Variants in ZC3H13 observed in about 807,000 individuals in gnomAD.
ZC3H13 encodes zinc finger CCCH-type containing 13.
Under a neutral mutation model 204.1 loss-of-function variants are expected in ZC3H13, and 64 were observed. That is an observed-to-expected ratio of 0.31 (90% confidence interval 0.26 to 0.39). The LOEUF is 0.39. Ranked by LOEUF, ZC3H13 falls within the 10% of genes least tolerant of loss-of-function variation. The probability of loss-of-function intolerance (pLI) is 1.00; values close to 1 mark genes in which losing one functional copy is unlikely to be tolerated. For synonymous variants in ZC3H13, 667 were observed against 693.7 expected (o/e 0.96, Z 0.60); for missense variants, 1,833 against 2,082.7 (o/e 0.88, Z 2.33).
At chr13:45,970,957 C>T (rs1431373647) in intron 12 of ZC3H13, among the ~76,000 whole-genome samples, 2 of 152,088 alleles carry the variant, frequency 1.3e-5, no homozygotes, top group Non-Finnish European at 2.9e-5. Context: ...GTCACTGAAC[C>T]TTAGTTTCTC....
chr13:45,961,628 A>G (rs972986514), intron 17 of ZC3H13, among the ~76,000 whole-genome samples: 9 of 151,542 alleles, frequency 5.9e-5, no homozygotes, highest in African/African-American at 2.2e-4. Context: ...AAAAGAACGA[A>G]TAAGACTTAG....
chr13:45,957,367 A>T, intron 18 of ZC3H13, 70 bp from the exon 19 acceptor site: 1 of 1,274,086 alleles, frequency 7.8e-7, no homozygotes, highest in Non-Finnish European at 1.0e-6. Flanking sequence ...GGGCAGGTTA[A>T]CCTCTACCCA....
At chr13:45,982,036 T>C (rs1479910771) in intron 10 of ZC3H13, among the ~76,000 whole-genome samples, 5 of 149,020 alleles carry the variant, frequency 3.4e-5, no homozygotes, top group African/African-American at 1.2e-4. Context: ...AAATAATAAA[T>C]AAATAAATAA....
chr13:46,023,108 T>C (rs1457215618), intron 4 of ZC3H13, among the ~76,000 whole-genome samples: 3 of 152,216 alleles, frequency 2.0e-5, no homozygotes, highest in East Asian at 3.9e-4. Context: ...GCTAAGAGAG[T>C]TGAGAACCAT....
intron 5 of ZC3H13, among the ~76,000 whole-genome samples, chr13:46,014,200 T>C (rs959528087): frequency 1.6e-4 from 24 of 152,198 alleles, no homozygotes; most frequent in African/African-American, 4.6e-4. Flanking sequence ...AGTTCTGGGA[T>C]ACATGTGCTG....
chr13:45,970,293 T>C (rs1952475639), intron 13 of ZC3H13, 69 bp downstream of exon 13: 6 of 1,520,574 alleles, frequency 3.9e-6, no homozygotes, highest in South Asian at 3.4e-5. Flanking sequence ...TTCCTACTAG[T>C]ATGAAAGGAT....
At chr13:46,000,283 T>A (rs746252676) in intron 8 of ZC3H13, among the ~76,000 whole-genome samples, 125 of 152,294 alleles carry the variant, frequency 8.2e-4, no homozygotes, top group Middle Eastern at 6.8e-3. Flanking sequence ...CTTCTTCCAA[T>A]AAGGCTGTAT....
intron 17 of ZC3H13, 141 bp from the exon 18 acceptor site, chr13:45,959,787 T>C: frequency 1.0e-6 from 1 of 960,080 alleles, no homozygotes; most frequent in South Asian, 2.2e-5. Context: ...AAAGGCAATA[T>C]ATTCTCTGTG....
At chr13:45,978,061 T>G (rs1174311303) in intron 11 of ZC3H13, among the ~76,000 whole-genome samples, 1 of 152,166 alleles carries the variant, frequency 6.6e-6, no homozygotes, top group Non-Finnish European at 1.5e-5. Flanking sequence ...ACCCTCTCCC[T>G]GTAAAGTGCT....
At chr13:45,989,804 C>CACA (rs3063007) in intron 8 of ZC3H13, among the ~76,000 whole-genome samples, 111,393 of 151,678 alleles carry the variant, frequency 0.73, 41,347 homozygotes, top group African/African-American at 0.84. Context: ...GATCATTAAG[C>CACA]ACATCTGAAT....
chr13:45,974,157 A>G (rs1286316579), intron 12 of ZC3H13, among the ~76,000 whole-genome samples: 1 of 152,232 alleles, frequency 6.6e-6, no homozygotes, highest in Non-Finnish European at 1.5e-5. Flanking sequence ...GTTGGAGGCA[A>G]AAAAGTAGTT....
chr13:45,980,279 C>A (rs1465607416), intron 10 of ZC3H13, among the ~76,000 whole-genome samples: 2 of 151,186 alleles, frequency 1.3e-5, no homozygotes, highest in African/African-American at 4.9e-5. Flanking sequence ...AACCTGTCCC[C>A]CCAAAAAAAA....
chr13:45,975,964 C>T, intron 11 of ZC3H13, 126 bp from the exon 12 acceptor site: 3 of 1,396,612 alleles, frequency 2.1e-6, no homozygotes, highest in African/African-American at 1.4e-5. Context: ...AACCAAGTAG[C>T]ATATTTAATT....
intron 4 of ZC3H13, among the ~76,000 whole-genome samples, chr13:46,040,866 T>A (rs9526133): frequency 0.45 from 68,609 of 151,418 alleles, 16,129 homozygotes; most frequent in African/African-American, 0.57. Context: ...AAAATGCAAA[T>A]CAAAACCACA....
chr13:45,975,802 CT>C lies in ZC3H13; in HGVS notation c.1948del (p.Arg650GlyfsTer16). ...TTCATCACGCTCAAGCTCGTCATTC[CT>C]TCCCTGATGTCGAATTGGTGAGCTT... ...RPSSPIRHQG[R>X]NDELERDERR... is the part of the protein sequence containing the mutation. On this transcript the variant is annotated frameshift_variant, in exon 12 of 19. Coordinates refer to ENST00000679008, the MANE Select transcript of ZC3H13 (RefSeq NM_001330564.2). LOFTEE classifies it high-confidence loss of function. 1 of 1,613,212 alleles carries C rather than the reference CT, an allele frequency of 6.2e-7. No homozygotes were observed. Among genetic ancestry groups the C allele is most frequent in the South Asian group, 1.1e-5 (1 of 91,028 alleles).
rs2041465375 is a variant in ZC3H13, at chr13:46,010,395, T to C, written c.699A>G (p.Lys233=). The C allele has an allele frequency of 6.2e-7, 1 of 1,613,778 alleles. No homozygotes were observed. The highest frequency in any genetic ancestry group is 2.2e-5 in the East Asian group (1 of 44,884). Residue 233 remains lysine, a synonymous_variant, in exon 7 of 19, where the codon AAA becomes AAG. Transcript: ENST00000679008. The part of the protein sequence containing the change: ...SSPKSSSASK[K]DRKTSAVSSP... ...AAGATACTGCAGATGTCTTCCTATCTTTCTTGCTAGCTGAAGACGACTTCG... is the reference window on the plus strand; with the variant it reads ...AAGATACTGCAGATGTCTTCCTATCCTTCTTGCTAGCTGAAGACGACTTCG...
At chr13:45,957,799 C>T (rs1431743104) in intron 18 of ZC3H13, among the ~76,000 whole-genome samples, 1 of 152,274 alleles carries the variant, frequency 6.6e-6, no homozygotes, top group South Asian at 2.1e-4. Flanking sequence ...ATACTCCTTA[C>T]CAATCTTTCA....
chr13:46,050,941 A>T (rs979578442), intron 1 of ZC3H13, among the ~76,000 whole-genome samples: 6 of 152,298 alleles, frequency 3.9e-5, no homozygotes, highest in African/African-American at 1.4e-4. Flanking sequence ...TATCAACAGC[A>T]GTTAATGCTT....
intron 12 of ZC3H13, among the ~76,000 whole-genome samples, chr13:45,971,875 C>T (rs1246807678): frequency 3.3e-5 from 5 of 151,922 alleles, no homozygotes; most frequent in African/African-American, 1.2e-4. Flanking sequence ...AGAAGACATA[C>T]AAACAGCCAA....
Sources: gnomAD v4.1 joint callset for allele counts (sites outside exome capture counted in the v4.1 genomes callset) on GRCh38, gnomAD v4.1.1 for gene constraint, MANE v1.5 for transcripts, NCBI Gene and HGNC (gene_info 2026-07-23, HGNC 2026-07-21) for gene names.